MYRFL: variants seen among roughly 807,000 people sequenced by gnomAD.
MYRFL encodes myelin regulatory factor-like protein.
MYRFL carries 88 observed loss-of-function variants against 109.4 expected under a neutral mutation model. The observed-to-expected ratio is 0.80, with a 90% CI of 0.68 to 0.96. The LOEUF is 0.96. Among genes scored for constraint, MYRFL ranks in the 40% least tolerant of loss-of-function variants. The probability of loss-of-function intolerance (pLI) is 0.00; values close to 1 mark genes in which losing one functional copy is unlikely to be tolerated. For synonymous variants in MYRFL, 324 were observed against 320.9 expected, an observed-to-expected ratio of 1.01 and a Z score of -0.10; for missense variants, 957 against 954.9, an observed-to-expected ratio of 1.00 and a Z score of -0.03.
At chr12:69,850,901 T>C (rs1010801128) in intron 1 of MYRFL, among the ~76,000 whole-genome samples, 1 of 152,160 alleles carries the variant, frequency 6.6e-6, no homozygotes, top group African/African-American at 2.4e-5. Flanking sequence ...AGGAGTCTTA[T>C]ACCCTCAACT....
At chr12:69,923,915 C>T (rs1267561751) in intron 13 of MYRFL, among the ~76,000 whole-genome samples, 1 of 152,044 alleles carries the variant, frequency 6.6e-6, no homozygotes, top group Non-Finnish European at 1.5e-5. Flanking sequence ...ATGGGCCAGG[C>T]GCAGTGGCTC....
chr12:69,870,098 CCTTTTT>C (rs1885254513), intron 2 of MYRFL, among the ~76,000 whole-genome samples: 1 of 96,728 alleles, frequency 1.0e-5, no homozygotes, highest in African/African-American at 4.0e-5. Context: ...GATTTTTCTT[CCTTTTT>C]TTTTTTTTTT....
chr12:69,918,711 A>G (rs1353304761), intron 13 of MYRFL, among the ~76,000 whole-genome samples: 1 of 152,198 alleles, frequency 6.6e-6, no homozygotes, highest in Non-Finnish European at 1.5e-5. Context: ...GATTAGTAAT[A>G]AAGTTGTGCA....
intron 19 of MYRFL, among the ~76,000 whole-genome samples, chr12:69,938,934 T>C (rs2087762): frequency 0.16 from 24,668 of 152,000 alleles, 2,562 homozygotes; most frequent in East Asian, 0.48. Flanking sequence ...GGGTGACGGA[T>C]GGCACCTGGA....
chr12:69,839,306 C>T (rs1176294410), intron 1 of MYRFL, among the ~76,000 whole-genome samples: 1 of 152,124 alleles, frequency 6.6e-6, no homozygotes, highest in Non-Finnish European at 1.5e-5. Flanking sequence ...CCTCTCTTTT[C>T]CCTTGGTCTT....
At chr12:69,908,047 G>A (rs761642721) in intron 11 of MYRFL, among the ~76,000 whole-genome samples, 5 of 151,866 alleles carry the variant, frequency 3.3e-5, no homozygotes, top group Admixed American at 2.0e-4. Flanking sequence ...TTGCTGTCTC[G>A]GGCCTTGGTT....
chr12:69,939,485 T>A (rs974417653), intron 19 of MYRFL, among the ~76,000 whole-genome samples: 1 of 151,792 alleles, frequency 6.6e-6, no homozygotes, highest in African/African-American at 2.4e-5. Flanking sequence ...GAGGGTCCTG[T>A]CTGTTAGAAG....
At chr12:69,897,123 T>C in intron 9 of MYRFL, 33 bp from the exon 10 acceptor site, 1 of 1,386,974 alleles carries the variant, frequency 7.2e-7, no homozygotes, top group Non-Finnish European at 9.9e-7. Flanking sequence ...CCATTCCTGA[T>C]GCATTGGCAT....
Position 69,926,543 on chromosome 12 carries a change from T to G in MYRFL, c.1603-28T>G, listed in dbSNP as rs532120076. The G allele has an allele frequency of 3.4e-6, 5 of 1,461,634 alleles. No individual in the cohort carries two copies. In the South Asian group the frequency reaches 7.2e-5, roughly 21 times the overall value. The allele number at this position is 1,461,634 out of a possible 1,614,324, so 90.5% of individuals were successfully genotyped here. On this transcript the variant is annotated intron_variant, in intron 13 of 24. Transcript: ENST00000552032. ...GTAGTGATCTCAAATTGTTAATTTA[T>G]GCACTCTGTTTGATTTTTCCCTTTT...
chr12:69,920,346 G>A (rs1184450721), intron 13 of MYRFL, among the ~76,000 whole-genome samples: 1 of 152,062 alleles, frequency 6.6e-6, no homozygotes, highest in African/African-American at 2.4e-5. Flanking sequence ...TTTTTGTTCT[G>A]TTTTGTTTTG....
intron 7 of MYRFL, among the ~76,000 whole-genome samples, chr12:69,892,039 T>C (rs1433765089): frequency 6.6e-6 from 1 of 152,214 alleles, no homozygotes; most frequent in African/African-American, 2.4e-5. Flanking sequence ...ATGATAGTTT[T>C]ATAGTTTTCA....
chr12:69,878,978 A>G (rs1221064496), intron 2 of MYRFL, 50 bp from the exon 3 acceptor site: 6 of 702,658 alleles, frequency 8.5e-6, no homozygotes, highest in East Asian at 8.0e-5. Context: ...TGACAAAACT[A>G]TAATGGACTA....
intron 13 of MYRFL, among the ~76,000 whole-genome samples, chr12:69,915,511 A>C (rs1954703116): frequency 6.6e-6 from 1 of 152,194 alleles, no homozygotes; most frequent in African/African-American, 2.4e-5. Context: ...GAATGTCTGG[A>C]TCTTTATAGA....
Position 69,841,035 on chromosome 12 carries a change from C to T in MYRFL, c.47-14245C>T, listed in dbSNP as rs374822919. ...AGTTATTATTTCCAACAATGGGTCA[C>T]GTTACTTCCGTTTGAAATAACTGAT... On this transcript the variant is annotated intron_variant, in intron 1 of 24. Transcript: ENST00000552032. Among the ~76,000 whole-genome samples the T allele has an allele frequency of 7.4e-4, 113 of 152,314 alleles. 1 individual carries two copies. The highest frequency in any genetic ancestry group is 4.8e-4 in the African/African-American group (20 of 41,564).
intron 2 of MYRFL, among the ~76,000 whole-genome samples, chr12:69,878,233 A>G (rs1451395540): frequency 8.6e-5 from 10 of 115,644 alleles, no homozygotes; most frequent in African/African-American, 3.5e-4. Flanking sequence ...ACAGAGCAAG[A>G]CTCCATCTCA....
intron 1 of MYRFL, among the ~76,000 whole-genome samples, chr12:69,854,396 G>A (rs12823642): frequency 6.6e-6 from 1 of 151,524 alleles, no homozygotes; most frequent in Non-Finnish European, 1.5e-5. Context: ...TAATTTTTTT[G>A]TTTTTGAGAT....
intron 5 of MYRFL, among the ~76,000 whole-genome samples, chr12:69,881,142 T>C (rs1302680709): frequency 5.3e-5 from 8 of 152,048 alleles, no homozygotes; most frequent in Non-Finnish European, 1.0e-4. Context: ...TTTGTTTGCT[T>C]ATTTGTTTTG....
intron 2 of MYRFL, among the ~76,000 whole-genome samples, chr12:69,870,099 C>CTTTTTTTTTTTTTTTTTTT (rs754843682): frequency 1.2e-5 from 1 of 81,330 alleles, no homozygotes; most frequent in African/African-American, 5.2e-5. Context: ...ATTTTTCTTC[C>CTTTTTTTTTTTTTTTTTTT]TTTTTTTTTT....
chr12:69,860,423 G>A (rs868126088), intron 2 of MYRFL, among the ~76,000 whole-genome samples: 26 of 151,888 alleles, frequency 1.7e-4, no homozygotes, highest in African/African-American at 5.6e-4. Context: ...TAGTGTTTTT[G>A]TTATATATCT....
Sources: allele counts gnomAD v4.1 joint callset (sites outside exome capture counted in the v4.1 genomes callset), GRCh38; gene constraint gnomAD v4.1.1; transcripts MANE v1.5; gene names NCBI Gene and HGNC (gene_info 2026-07-23, HGNC 2026-07-21).